Variants in ATP2B3 observed in about 807,000 individuals in gnomAD.
The protein encoded by ATP2B3 is ATPase plasma membrane Ca2+ transporting 3, also known as plasma membrane calcium-transporting ATPase 3.
In ATP2B3, 12 loss-of-function variants were observed where a neutral mutation model predicts 70.8. That is an observed-to-expected ratio of 0.17 (90% confidence interval 0.11 to 0.27). The LOEUF is 0.27. Among genes scored for constraint, ATP2B3 ranks in the 10% least tolerant of loss-of-function variants. The pLI is 1.00. For synonymous variants in ATP2B3, 460 were observed against 497.8 expected, an observed-to-expected ratio of 0.92 and a Z score of 1.01; for missense variants, 858 against 1,118.5, an observed-to-expected ratio of 0.77 and a Z score of 3.32.
chrX:153,543,122 G>A lies in ATP2B3; in HGVS notation c.870G>A (p.Thr290=), dbSNP rs370276415. The A allele has an allele frequency of 2.0e-5, 24 of 1,210,785 alleles. No individual in the cohort carries two copies. The African/African-American group carries it at 3.3e-4, about 17-fold the overall frequency. ...GVNSQTGIIF[T]LLGAGGEEEE... is the part of the protein sequence containing the mutation. ...ATTCCCAGACAGGCATCATCTTCAC[G>A]CTGCTTGGAGCTGGCGGAGAGGAGG... Residue 290 remains threonine, a synonymous_variant, in exon 7 of 22, where the codon ACG becomes ACA. Coordinates refer to ENST00000263519, the MANE Select transcript of ATP2B3 (RefSeq NM_001001344.3).
At chrX:153,537,697 G>A (rs782182724) in intron 3 of ATP2B3, among the ~76,000 whole-genome samples, 2 of 112,220 alleles carry the variant, frequency 1.8e-5, no homozygotes, top group Middle Eastern at 4.7e-3. Context: ...CTCTGCTCCC[G>A]AGCATCTCTT....
intron 21 of ATP2B3, among the ~76,000 whole-genome samples, chrX:153,566,687 A>G (rs1046416916): frequency 9.2e-5 from 10 of 109,038 alleles, no homozygotes; most frequent in African/African-American, 3.0e-4. Context: ...CATGGCCTTC[A>G]AGCCCCTGCC....
chrX:153,546,321 G>C (rs1337025241), intron 8 of ATP2B3, among the ~76,000 whole-genome samples, 192 bp downstream of exon 8: 2 of 112,146 alleles, frequency 1.8e-5, no homozygotes, highest in African/African-American at 6.5e-5. Flanking sequence ...GGCTGCTCAG[G>C]GCATCCTGGC....
At chrX:153,541,607 A>G (rs781877244) in intron 4 of ATP2B3, 51 bp downstream of exon 4, 16 of 1,205,617 alleles carry the variant, frequency 1.3e-5, no homozygotes, top group Non-Finnish European at 1.5e-5. Flanking sequence ...GGGGCTTGAG[A>G]TGAGGGACGG....
At chrX:153,522,598 C>A (rs1313364579) in intron 2 of ATP2B3, among the ~76,000 whole-genome samples, 3 of 112,311 alleles carry the variant, frequency 2.7e-5, no homozygotes, top group Non-Finnish European at 5.6e-5. Flanking sequence ...ACCTAGACAC[C>A]CCCCACCAAG....
intron 13 of ATP2B3, among the ~76,000 whole-genome samples, chrX:153,555,764 A>G (rs1480594138): frequency 8.9e-6 from 1 of 112,933 alleles, no homozygotes; most frequent in Non-Finnish European, 1.9e-5. Context: ...GGTGATGCAC[A>G]TTCAGCAGAA....
chrX:153,541,335 C>T (rs781898650), intron 3 of ATP2B3, 24 bp from the exon 4 acceptor site: 1 of 1,211,283 alleles, frequency 8.3e-7, no homozygotes, highest in Non-Finnish European at 1.1e-6. Context: ...TCCTCCCCTT[C>T]TGTGCTTCCG....
rs1557010813 is a variant in ATP2B3 at position 153,550,111 on chromosome X, T to C, written c.1648T>C (p.Phe550Leu). The change falls in exon 12 of 22, where the codon TTC (phenylalanine) becomes CTC (leucine). Residue 550 changes from phenylalanine to leucine, a missense_variant. Physicochemically the swap from Phe to Leu is conservative, Grantham distance 22. This residue lies in a region of ATP2B3 where 242 missense variants were observed against 281.3 expected (regional missense o/e 0.86). Coordinates refer to ENST00000263519, the MANE Select transcript of ATP2B3 (RefSeq NM_001001344.3). ...TAAGACGGAGTGCGCCCTGCTGGGCTTCGTCTTGGACCTGAAGCGGGACTT... is the reference window on the plus strand; with the variant it reads ...TAAGACGGAGTGCGCCCTGCTGGGCCTCGTCTTGGACCTGAAGCGGGACTT... ...GNKTECALLGFVLDLKRDFQP... is the reference protein window; with the variant it reads ...GNKTECALLGLVLDLKRDFQP... 2.5e-6 allele frequency: 3 copies of C among 1,211,614 alleles called. No homozygotes were observed. Among genetic ancestry groups the C allele is most frequent in the Non-Finnish European group, 3.3e-6 (3 of 895,526 alleles).
chrX:153,538,408 T>A (rs2090227054), intron 3 of ATP2B3, among the ~76,000 whole-genome samples: 1 of 112,715 alleles, frequency 8.9e-6, no homozygotes, highest in Admixed American at 9.3e-5. Flanking sequence ...CACTCATCAA[T>A]CCACTGCCCT....
In ATP2B3 at chrX:153,557,122, G is replaced by A; in HGVS notation, c.2433+99G>A. 5 of 899,328 alleles carry A rather than the reference G, an allele frequency of 5.6e-6. No homozygotes were observed. In the Middle Eastern group the frequency reaches 1.2e-3, roughly 208 times the overall value. 74.1% of individuals were successfully genotyped at this position (899,328 alleles called of 1,213,427 possible). ...TACCAGGAAGTGGGAGCCAGTGTCGGGGCAGGTTACAGAGTGCCTGAAGGT... is the reference window on the plus strand; with the variant it reads ...TACCAGGAAGTGGGAGCCAGTGTCGAGGCAGGTTACAGAGTGCCTGAAGGT... On this transcript the variant is annotated intron_variant, in intron 16 of 21. Coordinates refer to ENST00000263519, the MANE Select transcript of ATP2B3 (RefSeq NM_001001344.3).
At chrX:153,533,707 C>CATG (rs1232370074) in intron 2 of ATP2B3, among the ~76,000 whole-genome samples, 1 of 111,299 alleles carries the variant, frequency 9.0e-6, no homozygotes, top group East Asian at 2.8e-4. Context: ...GCCCCGGGAC[C>CATG]ATGGCAGAGG....
Position 153,521,335 on chromosome X carries a change from G to A in ATP2B3, c.-127+2784G>A, listed in dbSNP as rs1012875140. Reference sequence around the variant, plus strand: ...GCCTGCGGAGAAGGATCAGAGCCACGCGTCACTGGGGCAGAGGGAAGCAGG... The same window carrying A: ...GCCTGCGGAGAAGGATCAGAGCCACACGTCACTGGGGCAGAGGGAAGCAGG... On this transcript the variant is annotated intron_variant, in intron 2 of 21. Coordinates refer to ENST00000263519, the MANE Select transcript of ATP2B3 (RefSeq NM_001001344.3). Among the ~76,000 whole-genome samples the A allele has an allele frequency of 2.6e-4, 29 of 113,028 alleles. No homozygotes were observed. In the South Asian group the frequency reaches 4.0e-3, roughly 16 times the overall value.
chrX:153,531,969 C>G (rs2090124782), intron 2 of ATP2B3, among the ~76,000 whole-genome samples: 1 of 111,961 alleles, frequency 8.9e-6, no homozygotes, highest in Admixed American at 9.4e-5. Flanking sequence ...TGGAATGCAG[C>G]CTGGGCCTGC....
intron 21 of ATP2B3, chrX:153,569,174 G>A (rs782345313): frequency 8.4e-5 from 32 of 383,069 alleles, no homozygotes; most frequent in Non-Finnish European, 5.0e-6. Context: ...GGCGGATGGA[G>A]CATGGGGCAT....
At chrX:153,571,037 C>T (rs782084057) in intron 21 of ATP2B3, among the ~76,000 whole-genome samples, 222 of 109,581 alleles carry the variant, frequency 2.0e-3, no homozygotes, top group African/African-American at 6.2e-3. Context: ...CACACACACA[C>T]ACTCCTTCTC....
At chrX:153,565,571 C>T (rs1557017918) in intron 21 of ATP2B3, among the ~76,000 whole-genome samples, 1 of 112,478 alleles carries the variant, frequency 8.9e-6, no homozygotes, top group East Asian at 2.8e-4. Context: ...GAAGTGGACT[C>T]TGGCCACCGA....
At chrX:153,557,620 G>C (rs782648773) in intron 16 of ATP2B3, among the ~76,000 whole-genome samples, 1 of 112,258 alleles carries the variant, frequency 8.9e-6, no homozygotes, top group Admixed American at 9.4e-5. Context: ...GCTCTCACGG[G>C]GCCAGGCTTG....
At position 153,560,713 on chromosome X, in the gene ATP2B3, G is replaced by C. The variant is rs781883776; in HGVS notation, c.2877G>C (p.Ala959=). The part of the protein sequence containing the change: ...LFFDIDSGRN[A]PLHSPPSEHY... ...TCGACATCGACAGCGGGAGGAATGC[G>C]CCCCTGCACTCGCCACCCTCAGAGC... is the stretch of plus-strand genomic sequence containing the variant. The change falls in exon 19 of 22, where the codon GCG becomes GCC. Residue 959 remains alanine (A), a synonymous_variant. Transcript: ENST00000263519. 9.1e-6 allele frequency: 11 copies of C among 1,210,082 alleles called. No homozygotes were observed. The highest frequency in any genetic ancestry group is 6.5e-5 in the Admixed American group (3 of 45,830).
At chrX:153,548,488 A>C (rs946544141) in intron 9 of ATP2B3, 152 bp from the exon 10 acceptor site, 14 of 509,924 alleles carry the variant, frequency 2.7e-5, no homozygotes, top group Non-Finnish European at 3.9e-5. Flanking sequence ...GCTGAGCCAA[A>C]CCTGGGCTGT....
Sources: allele counts gnomAD v4.1 joint callset (sites outside exome capture counted in the v4.1 genomes callset), GRCh38; gene constraint gnomAD v4.1.1; regional missense constraint gnomAD v4.1.1; transcripts MANE v1.5; gene names NCBI Gene and HGNC (gene_info 2026-07-23, HGNC 2026-07-21).